Variants in CDH12 observed in about 807,000 individuals in gnomAD.
The protein encoded by CDH12 is cadherin 12.
CDH12 carries 41 observed loss-of-function variants against 74.1 expected under a neutral mutation model. That is an observed-to-expected ratio of 0.55 (90% confidence interval 0.43 to 0.72). CDH12 has a LOEUF of 0.72. CDH12 is among the 30% of genes least tolerant of loss of function. The probability of loss-of-function intolerance (pLI) is 0.00; values close to 1 mark genes in which losing one functional copy is unlikely to be tolerated. For missense variants in CDH12, 945 were observed against 977.2 expected (o/e 0.97, Z 0.44); for synonymous variants, 399 against 355.0 (o/e 1.12, Z -1.39).
chr5:22,122,351 T>C (rs987048103), intron 4 of CDH12, among the ~76,000 whole-genome samples: 9 of 152,108 alleles, frequency 5.9e-5, no homozygotes, highest in African/African-American at 1.9e-4. Flanking sequence ...TGCAGTGAGC[T>C]GAAATCGTGC....
chr5:22,756,115 A>G (rs941488123), intron 1 of CDH12, among the ~76,000 whole-genome samples: 1 of 151,172 alleles, frequency 6.6e-6, no homozygotes, highest in Non-Finnish European at 1.5e-5. Flanking sequence ...AAAAAAAAAA[A>G]AAAAGAAAGA....
chr5:22,731,730 T>C (rs1332648985), intron 1 of CDH12, among the ~76,000 whole-genome samples: 1 of 151,944 alleles, frequency 6.6e-6, no homozygotes, highest in Admixed American at 6.6e-5. Context: ...TTACATGTCC[T>C]TCTAAATTGT....
intron 1 of CDH12, among the ~76,000 whole-genome samples, chr5:22,638,323 T>C (rs961102056): frequency 6.6e-6 from 1 of 152,180 alleles, no homozygotes; most frequent in Non-Finnish European, 1.5e-5. Flanking sequence ...CTTCAGTCTG[T>C]GGCCAAAGGC....
chr5:22,027,547 G>T (rs1367273128), intron 5 of CDH12, among the ~76,000 whole-genome samples: 1 of 152,174 alleles, frequency 6.6e-6, no homozygotes, highest in East Asian at 1.9e-4. Context: ...TCTTGGGAGG[G>T]TGTATGAGTC....
chr5:22,275,080 C>G (rs942123077), intron 3 of CDH12, among the ~76,000 whole-genome samples: 3 of 151,886 alleles, frequency 2.0e-5, no homozygotes, highest in African/African-American at 4.8e-5. Flanking sequence ...CTTAGGCAAA[C>G]AAGAAAAGGA....
Position 22,526,271 on chromosome 5 carries a change from C to T in CDH12, c.-522-20907G>A, listed in dbSNP as rs186121490. ...CCTGAAAGTTCAATGTTGACTTACT[C>T]ATCTTTCAATTGTAACACAGGTCAA... is the stretch of plus-strand genomic sequence containing the variant. On this transcript the variant is annotated intron_variant, in intron 1 of 14. Transcript: ENST00000382254. Among the ~76,000 whole-genome samples, 335 of 152,268 alleles carry T rather than the reference C, an allele frequency of 2.2e-3. 4 individuals are homozygous for T. Among genetic ancestry groups the T allele is most frequent in the Middle Eastern group, 3.4e-3 (1 of 294 alleles).
chr5:22,055,324 A>G (rs1012084863), intron 5 of CDH12, among the ~76,000 whole-genome samples: 1 of 152,178 alleles, frequency 6.6e-6, no homozygotes, highest in Non-Finnish European at 1.5e-5. Context: ...TTTCCTAATG[A>G]TTTCAAAATA....
intron 3 of CDH12, among the ~76,000 whole-genome samples, chr5:22,369,619 G>A (rs1001318456): frequency 6.6e-6 from 1 of 152,160 alleles, no homozygotes; most frequent in African/African-American, 2.4e-5. Context: ...CAAAGTGAGA[G>A]CATCAATACC....
chr5:22,030,276 A>C (rs1345800122), intron 5 of CDH12, among the ~76,000 whole-genome samples: 3 of 152,078 alleles, frequency 2.0e-5, no homozygotes, highest in Non-Finnish European at 4.4e-5. Flanking sequence ...ATAATAAAAT[A>C]AAATAAAAAA....
chr5:22,292,345 T>G (rs1169076084), intron 3 of CDH12, among the ~76,000 whole-genome samples: 1 of 142,266 alleles, frequency 7.0e-6, no homozygotes, highest in African/African-American at 2.5e-5. Flanking sequence ...GTTTTTGTTT[T>G]TTTTTTTTTT....
At chr5:22,100,705 A>G (rs1473465991) in intron 4 of CDH12, among the ~76,000 whole-genome samples, 1 of 144,076 alleles carries the variant, frequency 6.9e-6, no homozygotes, top group East Asian at 2.1e-4. Flanking sequence ...TTTTATTTAG[A>G]TAACCCATTC....
At position 21,752,146 on chromosome 5, in the gene CDH12, T is replaced by C; in HGVS notation, c.1976A>G (p.His659Arg). ...SKEDIRDNVI[H>R]YDDEGGGEED... ...CTCCCCACCTCCTTCATCATCGTAA[T>C]GGATGACGTTGTCTCTGATGTCTTC... The change falls in exon 15 of 15, where the codon CAT (histidine) becomes CGT (arginine). Residue 659 changes from histidine to arginine, a missense_variant. Transcript: ENST00000382254. 6.2e-7 allele frequency: 1 copy of C among 1,614,090 alleles called. No individual in the cohort carries two copies.
At chr5:22,550,352 G>T (rs2126732448) in intron 1 of CDH12, among the ~76,000 whole-genome samples, 1 of 152,204 alleles carries the variant, frequency 6.6e-6, no homozygotes, top group Non-Finnish European at 1.5e-5. Flanking sequence ...TGACAAATCT[G>T]ATTGTCTAAC....
chr5:22,422,801 T>G (rs749165253), intron 2 of CDH12, among the ~76,000 whole-genome samples: 1 of 152,202 alleles, frequency 6.6e-6, no homozygotes, highest in Non-Finnish European at 1.5e-5. Flanking sequence ...TCAGTCTGAA[T>G]TGTCATAGGT....
chr5:22,275,766 T>A (rs1357966379), intron 3 of CDH12, among the ~76,000 whole-genome samples: 3 of 152,168 alleles, frequency 2.0e-5, no homozygotes, highest in Non-Finnish European at 2.9e-5. Flanking sequence ...TAGAAAACTA[T>A]ACATATCAGA....
Position 22,061,885 on chromosome 5 carries a change from C to T in CDH12, c.231+16561G>A, listed in dbSNP as rs549626671. On this transcript the variant is annotated intron_variant, in intron 5 of 14. Transcript: ENST00000382254. The stretch of plus-strand genomic sequence containing the variant: ...ATTGACATGTGCATAAGTGCTTTCA[C>T]GTGGCTAATGATTATGAGATCTAGA... Among the ~76,000 whole-genome samples the T allele has an allele frequency of 1.4e-4, 21 of 152,186 alleles. No homozygotes were observed. The East Asian group carries it at 1.5e-3, about 11-fold the overall frequency.
intron 10 of CDH12, among the ~76,000 whole-genome samples, chr5:21,799,815 AG>A (rs1747009890): frequency 6.6e-6 from 1 of 152,154 alleles, no homozygotes; most frequent in Non-Finnish European, 1.5e-5. Flanking sequence ...ACACTGGGGT[AG>A]GGTCGCTCAG....
intron 1 of CDH12, among the ~76,000 whole-genome samples, chr5:22,559,062 A>G (rs1738930458): frequency 6.6e-6 from 1 of 152,058 alleles, no homozygotes; most frequent in African/African-American, 2.4e-5. Flanking sequence ...ACCCGTTTAC[A>G]CACCCACTAA....
chr5:22,131,160 A>G (rs71609210), intron 4 of CDH12, among the ~76,000 whole-genome samples: 1 of 152,136 alleles, frequency 6.6e-6, no homozygotes, highest in Non-Finnish European at 1.5e-5. Flanking sequence ...ATTCATGTAC[A>G]ACTCTATGTA....
Sources: gnomAD v4.1 joint callset for allele counts (sites outside exome capture counted in the v4.1 genomes callset) on GRCh38, gnomAD v4.1.1 for gene constraint, MANE v1.5 for transcripts, NCBI Gene and HGNC (gene_info 2026-07-23, HGNC 2026-07-21) for gene names.